The following GALNTL6 variants were observed in gnomAD, a reference collection of about 807,000 sequenced individuals.
GALNTL6 encodes polypeptide N-acetylgalactosaminyltransferase like 6, also known as polypeptide N-acetylgalactosaminyltransferase-like 6.
Under a neutral mutation model 73.7 loss-of-function variants are expected in GALNTL6, and 46 were observed. The ratio of observed to expected loss-of-function variants is 0.62; its 90% CI spans 0.49 to 0.80. GALNTL6 has a LOEUF of 0.80. GALNTL6 is among the 30% of genes least tolerant of loss of function. The probability of loss-of-function intolerance (pLI) is 0.00; values close to 1 mark genes in which losing one functional copy is unlikely to be tolerated. For missense variants in GALNTL6, 604 were observed against 755.0 expected, an observed-to-expected ratio of 0.80 and a Z score of 2.34; for synonymous variants, 259 against 263.7, an observed-to-expected ratio of 0.98 and a Z score of 0.17.
At chr4:172,481,259 C>T (rs530141635) in intron 5 of GALNTL6, among the ~76,000 whole-genome samples, 1 of 151,292 alleles carries the variant, frequency 6.6e-6, no homozygotes, top group African/African-American at 2.4e-5. Context: ...TTGTTCATTC[C>T]TCCCGGTGGG....
At chr4:172,257,350 A>G (rs189276791) in intron 3 of GALNTL6, among the ~76,000 whole-genome samples, 2 of 151,432 alleles carry the variant, frequency 1.3e-5, no homozygotes, top group East Asian at 3.9e-4. Flanking sequence ...TTTACCTTTC[A>G]TGAAATTGGT....
intron 2 of GALNTL6, among the ~76,000 whole-genome samples, chr4:171,927,857 C>T (rs1738035068): frequency 6.6e-6 from 1 of 152,172 alleles, no homozygotes; most frequent in Non-Finnish European, 1.5e-5. Flanking sequence ...AGCTCAAATG[C>T]CACAGTCACA....
chr4:172,598,575 C>T (rs1737946253), intron 5 of GALNTL6, among the ~76,000 whole-genome samples: 1 of 152,112 alleles, frequency 6.6e-6, no homozygotes, highest in African/African-American at 2.4e-5. Context: ...CCTCTCCCTC[C>T]CACCCCTCAT....
At chr4:172,317,561 A>G (rs62329874) in intron 4 of GALNTL6, among the ~76,000 whole-genome samples, 3 of 152,074 alleles carry the variant, frequency 2.0e-5, no homozygotes, top group Admixed American at 1.3e-4. Flanking sequence ...TTGTAAATAC[A>G]TAATTAGATT....
intron 2 of GALNTL6, among the ~76,000 whole-genome samples, chr4:172,156,571 A>ATAGTAT (rs751638637): frequency 4.2e-5 from 3 of 70,964 alleles, no homozygotes; most frequent in African/African-American, 1.9e-4. Context: ...ATATATACAT[A>ATAGTAT]CTATATATAT....
intron 5 of GALNTL6, among the ~76,000 whole-genome samples, chr4:172,587,758 A>C (rs1048031556): frequency 6.6e-6 from 1 of 151,862 alleles, no homozygotes; most frequent in Non-Finnish European, 1.5e-5. Flanking sequence ...CACCCTCACC[A>C]CTAGACTAGT....
chr4:172,940,793 C>G (rs967268617), intron 9 of GALNTL6, among the ~76,000 whole-genome samples: 1 of 152,106 alleles, frequency 6.6e-6, no homozygotes, highest in African/African-American at 2.4e-5. Flanking sequence ...CCATCTCAGC[C>G]TCCTAGGTAG....
intron 5 of GALNTL6, among the ~76,000 whole-genome samples, chr4:172,390,577 C>A (rs918886526): frequency 3.9e-5 from 6 of 152,276 alleles, no homozygotes; most frequent in African/African-American, 1.4e-4. Context: ...GCCCAATAGC[C>A]ACTTAGTAGT....
intron 5 of GALNTL6, among the ~76,000 whole-genome samples, chr4:172,387,668 T>C (rs1743520414): frequency 1.3e-5 from 2 of 152,182 alleles, no homozygotes; most frequent in African/African-American, 4.8e-5. Context: ...TATATGTAGA[T>C]TGATTTTTAA....
intron 2 of GALNTL6, among the ~76,000 whole-genome samples, chr4:172,213,712 G>A (rs1736403731): frequency 6.6e-6 from 1 of 151,916 alleles, no homozygotes; most frequent in South Asian, 2.1e-4. Flanking sequence ...TCAGTCTGTA[G>A]CTTTCCATTT....
chr4:172,082,302 G>T (rs1731902876), intron 2 of GALNTL6, among the ~76,000 whole-genome samples: 2 of 152,178 alleles, frequency 1.3e-5, no homozygotes, highest in Admixed American at 1.3e-4. Flanking sequence ...ATGAATAACA[G>T]AAGCCTAGGT....
chr4:172,733,755 C>CA (rs1736292579), intron 5 of GALNTL6, among the ~76,000 whole-genome samples: 1 of 152,158 alleles, frequency 6.6e-6, no homozygotes, highest in African/African-American at 2.4e-5. Context: ...CCATGTGGAA[C>CA]TGTGATTTCA....
intron 2 of GALNTL6, among the ~76,000 whole-genome samples, chr4:171,860,558 T>C (rs535943417): frequency 6.6e-6 from 1 of 152,204 alleles, no homozygotes. Context: ...CTCTACTTTA[T>C]AATCCTTTAG....
chr4:172,513,703 G>T (rs1203705419), intron 5 of GALNTL6, among the ~76,000 whole-genome samples: 1 of 152,128 alleles, frequency 6.6e-6, no homozygotes, highest in African/African-American at 2.4e-5. Context: ...CCAACCAGCG[G>T]AGCTGCCTGG....
chr4:171,963,836 T>C (rs1424030345), intron 2 of GALNTL6, among the ~76,000 whole-genome samples: 2 of 152,234 alleles, frequency 1.3e-5, no homozygotes, highest in Non-Finnish European at 1.5e-5. Context: ...CGTGGGTTTC[T>C]TATATTTCTG....
chr4:171,892,173 A>T (rs776677180), intron 2 of GALNTL6, among the ~76,000 whole-genome samples: 1 of 152,204 alleles, frequency 6.6e-6, no homozygotes, highest in Non-Finnish European at 1.5e-5. Flanking sequence ...TATCCCCAAG[A>T]TACTTCATTA....
intron 10 of GALNTL6, among the ~76,000 whole-genome samples, chr4:172,993,997 C>T (rs377172255): frequency 2.4e-4 from 37 of 152,264 alleles, no homozygotes; most frequent in African/African-American, 8.2e-4. Context: ...AACCCCAACC[C>T]GTTCATTGTC....
chr4:171,931,003 T>A (rs1184456899), intron 2 of GALNTL6, among the ~76,000 whole-genome samples: 2 of 152,212 alleles, frequency 1.3e-5, no homozygotes, highest in Non-Finnish European at 2.9e-5. Flanking sequence ...TTAGTGGGAA[T>A]CTCTTGAGAA....
intron 2 of GALNTL6, among the ~76,000 whole-genome samples, chr4:171,928,353 C>A (rs773641521): frequency 6.6e-6 from 1 of 152,136 alleles, no homozygotes; most frequent in African/African-American, 2.4e-5. Context: ...TTAACAGTAA[C>A]GATGGAGTCC....
Sources: gnomAD v4.1 joint callset for allele counts (sites outside exome capture counted in the v4.1 genomes callset) on GRCh38, gnomAD v4.1.1 for gene constraint, MANE v1.5 for transcripts, NCBI Gene and HGNC (gene_info 2026-07-23, HGNC 2026-07-21) for gene names.